Variants in HNRNPA2B1 observed in about 807,000 individuals in gnomAD.
HNRNPA2B1 encodes heterogeneous nuclear ribonucleoproteins A2/B1.
A neutral mutation model predicts 46.3 loss-of-function variants in HNRNPA2B1; 3 were observed. The observed-to-expected ratio is 0.06, with a 90% CI of 0.03 to 0.17. The LOEUF (loss-of-function observed/expected upper bound fraction) is 0.17, where lower values mean the gene tolerates loss of function less well. HNRNPA2B1 is among the 10% of genes least tolerant of loss of function. The pLI is 1.00. For synonymous variants in HNRNPA2B1, 225 were observed against 133.8 expected (o/e 1.68, Z -4.70); for missense variants, 221 against 418.9 (o/e 0.53, Z 4.12).
chr7:26,196,374 T>G, intron 6 of HNRNPA2B1, 27 bp downstream of exon 6: 1 of 1,572,514 alleles, frequency 6.4e-7, no homozygotes, highest in African/African-American at 1.4e-5. Flanking sequence ...ACACTCATCC[T>G]TTAAACACGT....
chr7:26,200,344 C>G (rs772836192), intron 1 of HNRNPA2B1: 1 of 595,884 alleles, frequency 1.7e-6, no homozygotes, highest in Non-Finnish European at 3.0e-6. Flanking sequence ...AGCTCCCCAT[C>G]CCCCACCCCC....
At chr7:26,197,265 C>G (rs762709316) in intron 3 of HNRNPA2B1, 50 bp downstream of exon 3, 2 of 1,532,242 alleles carry the variant, frequency 1.3e-6, no homozygotes, top group African/African-American at 2.8e-5. Flanking sequence ...TGATTTTCAG[C>G]AGGGCAGCGT....
intron 1 of HNRNPA2B1, chr7:26,198,838 C>T (rs1261313237): frequency 6.6e-6 from 1 of 152,254 alleles, no homozygotes; most frequent in African/African-American, 2.4e-5. Context: ...TCCTAGCAAG[C>T]AGCATTAATT....
In HNRNPA2B1 at chr7:26,197,736, CA is replaced by C; in HGVS notation, c.7-5del. On this transcript the variant is annotated splice_region_variant and splice_polypyrimidine_tract_variant and intron_variant, in intron 1 of 10. Coordinates refer to ENST00000618183, the MANE Select transcript of HNRNPA2B1 (RefSeq NM_002137.4). ...TACGGAACTGTTCCTTTTCTCTCTG[CA>C]AAGGAAAATACCATTTCAATTTTTA... The C allele has an allele frequency of 6.2e-7, 1 of 1,606,772 alleles. No individual in the cohort carries two copies. The highest frequency in any genetic ancestry group is 1.7e-5 in the Admixed American group (1 of 59,534).
intron 7 of HNRNPA2B1, among the ~76,000 whole-genome samples, chr7:26,194,320 C>T (rs950797516): frequency 3.3e-5 from 5 of 151,738 alleles, no homozygotes; most frequent in Non-Finnish European, 7.4e-5. Flanking sequence ...GGCGTGAACC[C>T]GGGAGGCAGA....
In HNRNPA2B1 at chr7:26,190,889, C is replaced by A. The variant is rs1043607763; in HGVS notation, c.*1471G>T. ...TACAACAAATGTCTTTAATAAAAACCCCTAGTTCACTCAAAATGTTTGATC... is the reference window on the plus strand; with the variant it reads ...TACAACAAATGTCTTTAATAAAAACACCTAGTTCACTCAAAATGTTTGATC... On this transcript the variant is annotated 3_prime_UTR_variant, in exon 11 of 11. Transcript: ENST00000618183. 39 of 152,480 alleles carry A rather than the reference C, an allele frequency of 2.6e-4. No individual in the cohort carries two copies. Among genetic ancestry groups the A allele is most frequent in the African/African-American group, 9.2e-4 (38 of 41,380 alleles). 9.4% of individuals were successfully genotyped at this position (152,480 alleles called of 1,614,324 possible).
At chr7:26,200,169 G>A (rs1784235830) in intron 1 of HNRNPA2B1, 3 of 239,638 alleles carry the variant, frequency 1.3e-5, no homozygotes, top group South Asian at 6.3e-5. Context: ...CGGGAGAGAG[G>A]GGGAGGGGAA....
chr7:26,200,699 C>G lies in HNRNPA2B1; in HGVS notation c.-122G>C. ...GTGAGAACTGCCGCTGCTCGAGAAA[C>G]AACTCTGCGAGGAGCACCTCCGCAC... On this transcript the variant is annotated 5_prime_UTR_variant, in exon 1 of 11. Transcript: ENST00000618183. The G allele has an allele frequency of 2.3e-6, 3 of 1,284,990 alleles. No homozygotes were observed. Among genetic ancestry groups the G allele is most frequent in the Non-Finnish European group, 3.4e-6 (3 of 888,632 alleles). 79.6% of individuals were successfully genotyped at this position (1,284,990 alleles called of 1,614,324 possible). A position where few individuals can be genotyped will look rare whatever the true frequency, so the allele number is the denominator to read the frequency against.
chr7:26,196,210 T>C (rs1033965624), intron 6 of HNRNPA2B1, among the ~76,000 whole-genome samples, 191 bp downstream of exon 6: 3 of 152,210 alleles, frequency 2.0e-5, no homozygotes, highest in Middle Eastern at 3.2e-3. Context: ...TCCAGATAAA[T>C]ACAACTGTTA....
At chr7:26,199,128 T>A (rs912389494) in intron 1 of HNRNPA2B1, 2 of 152,534 alleles carry the variant, frequency 1.3e-5, no homozygotes, top group African/African-American at 2.4e-5. Context: ...AAATTACGGA[T>A]AATGTACATT....
In HNRNPA2B1 at chr7:26,190,257, C is replaced by T. The variant is rs1782746854; in HGVS notation, c.*2103G>A. 1 of 152,506 alleles carries T rather than the reference C, an allele frequency of 6.6e-6. No individual in the cohort carries two copies. Among genetic ancestry groups the T allele is most frequent in the Non-Finnish European group, 1.5e-5 (1 of 67,956 alleles). 9.4% of individuals were successfully genotyped at this position (152,506 alleles called of 1,614,324 possible). A position where few individuals can be genotyped will look rare whatever the true frequency, so the allele number is the denominator to read the frequency against. On this transcript the variant is annotated 3_prime_UTR_variant, in exon 11 of 11. Coordinates refer to ENST00000618183, the MANE Select transcript of HNRNPA2B1 (RefSeq NM_002137.4). ...CAATTTGATGTTACTGTTTTACAAACAACACTCATTTTGTAATTGTTTTAT... is the reference window on the plus strand; with the variant it reads ...CAATTTGATGTTACTGTTTTACAAATAACACTCATTTTGTAATTGTTTTAT...
chr7:26,191,980 G>C lies in HNRNPA2B1; in HGVS notation c.*380C>G, dbSNP rs1351085588. 6.6e-6 allele frequency: 1 copy of C among 152,598 alleles called. No homozygotes were observed. Among genetic ancestry groups the C allele is most frequent in the African/African-American group, 2.4e-5 (1 of 41,418 alleles). The allele number at this position is 152,598 out of a possible 1,614,324, so 9.5% of individuals were successfully genotyped here. On this transcript the variant is annotated 3_prime_UTR_variant, in exon 11 of 11. Coordinates refer to ENST00000618183, the MANE Select transcript of HNRNPA2B1 (RefSeq NM_002137.4). ...CTGGCTAATAGCTTTTCAAAACTTTGAGAAAAATCTTAAAAAAGGTTTCAC... is the reference window on the plus strand; with the variant it reads ...CTGGCTAATAGCTTTTCAAAACTTTCAGAAAAATCTTAAAAAAGGTTTCAC...
At chr7:26,199,367 A>C (rs1224032894) in intron 1 of HNRNPA2B1, 1 of 152,368 alleles carries the variant, frequency 6.6e-6, no homozygotes, top group East Asian at 1.9e-4. Context: ...ACAAAGTTCA[A>C]ATACAGAGCG....
chr7:26,195,642 A>G (rs963469436), intron 7 of HNRNPA2B1: 6 of 551,134 alleles, frequency 1.1e-5, no homozygotes, highest in East Asian at 6.5e-5. Context: ...TTATCTTTAC[A>G]TTTTCATTTA....
In HNRNPA2B1 at chr7:26,200,677, AGAACTGC is replaced by A; in HGVS notation, c.-107_-101del. On this transcript the variant is annotated 5_prime_UTR_variant, in exon 1 of 11. Transcript: ENST00000618183. ...CCGGACTCGTCCTGGCGCTGTAGTG[AGAACTGC>A]CGCTGCTCGAGAAACAACTCTGCGA... 1 of 1,452,272 alleles carries A rather than the reference AGAACTGC, an allele frequency of 6.9e-7. No individual in the cohort carries two copies. Among genetic ancestry groups the A allele is most frequent in the Non-Finnish European group, 9.6e-7 (1 of 1,037,260 alleles). 90.0% of individuals were successfully genotyped at this position (1,452,272 alleles called of 1,614,324 possible). A position where few individuals can be genotyped will look rare whatever the true frequency, so the allele number is the denominator to read the frequency against.
rs961188482 is a variant in HNRNPA2B1 at position 26,190,733 on chromosome 7, A to G, written c.*1627T>C. On this transcript the variant is annotated 3_prime_UTR_variant, in exon 11 of 11. Coordinates refer to ENST00000618183, the MANE Select transcript of HNRNPA2B1 (RefSeq NM_002137.4). ...AACCCACCTATTTAGTACTGGATAC[A>G]TACCAGGCTTCATAATGCAGACAAG... 2 of 152,228 alleles carry G rather than the reference A, an allele frequency of 1.3e-5. No individual in the cohort carries two copies. Among genetic ancestry groups the G allele is most frequent in the African/African-American group, 4.8e-5 (2 of 41,464 alleles). The allele number at this position is 152,228 out of a possible 1,614,324, so 9.4% of individuals were successfully genotyped here.
chr7:26,199,430 G>A (rs1206081633), intron 1 of HNRNPA2B1: 1 of 152,246 alleles, frequency 6.6e-6, no homozygotes, highest in East Asian at 1.9e-4. Context: ...ACAGGAAGGA[G>A]CCTCTGAAGC....
intron 4 of HNRNPA2B1, 52 bp downstream of exon 4, chr7:26,196,755 A>C: frequency 6.3e-7 from 1 of 1,575,268 alleles, no homozygotes; most frequent in Non-Finnish European, 8.7e-7. Context: ...GTTAACATAC[A>C]CAAAATTGAA....
At chr7:26,197,067 A>G (rs924616291) in intron 3 of HNRNPA2B1, 50 bp from the exon 4 acceptor site, 4 of 1,449,408 alleles carry the variant, frequency 2.8e-6, no homozygotes, top group Admixed American at 1.8e-5. Context: ...AAACACAAGC[A>G]TAATTCAAAG....
Sources: allele counts gnomAD v4.1 joint callset (sites outside exome capture counted in the v4.1 genomes callset), GRCh38; gene constraint gnomAD v4.1.1; transcripts MANE v1.5; gene names NCBI Gene and HGNC (gene_info 2026-07-23, HGNC 2026-07-21).